Variants in ASIC2 observed in about 807,000 individuals in gnomAD.
The protein encoded by ASIC2 is acid-sensing ion channel 2.
Under a neutral mutation model 57.3 loss-of-function variants are expected in ASIC2, and 25 were observed. The observed-to-expected ratio is 0.44, with a 90% CI of 0.32 to 0.61. The LOEUF (loss-of-function observed/expected upper bound fraction) is 0.61, where lower values mean the gene tolerates loss of function less well. Among genes scored for constraint, ASIC2 ranks in the 20% least tolerant of loss-of-function variants. ASIC2 has a pLI of 0.06. For missense variants in ASIC2, 641 were observed against 738.1 expected (o/e 0.87, Z 1.52); for synonymous variants, 319 against 307.5 (o/e 1.04, Z -0.39).
At chr17:33,889,143 A>G (rs1914900131) in intron 1 of ASIC2, among the ~76,000 whole-genome samples, 1 of 152,142 alleles carries the variant, frequency 6.6e-6, no homozygotes, top group Non-Finnish European at 1.5e-5. Flanking sequence ...GGCACTGGAG[A>G]ATGAAATGCC....
chr17:33,439,968 T>C (rs1911768300), intron 1 of ASIC2, among the ~76,000 whole-genome samples: 1 of 152,212 alleles, frequency 6.6e-6, no homozygotes, highest in Non-Finnish European at 1.5e-5. Context: ...GACGACTGTA[T>C]TCGGGGAGGC....
chr17:33,867,067 G>T (rs1914256302), intron 1 of ASIC2, among the ~76,000 whole-genome samples: 1 of 152,198 alleles, frequency 6.6e-6, no homozygotes, highest in Non-Finnish European at 1.5e-5. Flanking sequence ...TCCAACCACA[G>T]TTGGAATCTG....
At chr17:33,173,741 C>T (rs1381236947) in intron 1 of ASIC2, among the ~76,000 whole-genome samples, 2 of 152,288 alleles carry the variant, frequency 1.3e-5, no homozygotes, top group East Asian at 3.9e-4. Context: ...TAAGTTTTCT[C>T]ATTGGTAAAA....
intron 1 of ASIC2, among the ~76,000 whole-genome samples, chr17:33,587,021 A>G (rs1904661659): frequency 6.6e-6 from 1 of 152,242 alleles, no homozygotes; most frequent in African/African-American, 2.4e-5. Context: ...TCAATGACTT[A>G]AACCAAAAGT....
intron 1 of ASIC2, among the ~76,000 whole-genome samples, chr17:33,315,391 A>G (rs1303999005): frequency 1.3e-5 from 2 of 152,252 alleles, no homozygotes; most frequent in African/African-American, 4.8e-5. Context: ...AGTAAGTAGA[A>G]AGCACATTTT....
chr17:33,473,652 G>A (rs747876613), intron 1 of ASIC2, among the ~76,000 whole-genome samples: 3 of 152,136 alleles, frequency 2.0e-5, no homozygotes, highest in Non-Finnish European at 2.9e-5. Context: ...TGAAACTCTG[G>A]TTCCTGTCTA....
chr17:33,307,854 G>A (rs1906248747), intron 1 of ASIC2, among the ~76,000 whole-genome samples: 1 of 152,192 alleles, frequency 6.6e-6, no homozygotes, highest in African/African-American at 2.4e-5. Flanking sequence ...CACAGAGCCT[G>A]ACATATAGTA....
intron 1 of ASIC2, among the ~76,000 whole-genome samples, chr17:33,400,055 A>G (rs1910227488): frequency 6.6e-6 from 1 of 152,220 alleles, no homozygotes; most frequent in African/African-American, 2.4e-5. Flanking sequence ...TCTGGACCAT[A>G]CATTATTAAT....
chr17:33,130,606 C>G (rs546113141), intron 1 of ASIC2, among the ~76,000 whole-genome samples: 1 of 152,306 alleles, frequency 6.6e-6, no homozygotes, highest in Non-Finnish European at 1.5e-5. Context: ...CCCCAACCCC[C>G]CAAGAGTCTG....
intron 1 of ASIC2, among the ~76,000 whole-genome samples, chr17:33,369,850 T>C (rs1908975316): frequency 6.6e-6 from 1 of 152,226 alleles, no homozygotes; most frequent in South Asian, 2.1e-4. Flanking sequence ...CGAGAGCATA[T>C]TCTTAGTATA....
chr17:33,044,803 G>A (rs769866390), intron 3 of ASIC2, among the ~76,000 whole-genome samples: 1 of 152,234 alleles, frequency 6.6e-6, no homozygotes, highest in Non-Finnish European at 1.5e-5. Flanking sequence ...AAATGCTATA[G>A]TGGGGTCATA....
chr17:33,880,436 T>C (rs1914670101), intron 1 of ASIC2, among the ~76,000 whole-genome samples: 2 of 152,136 alleles, frequency 1.3e-5, no homozygotes, highest in Non-Finnish European at 2.9e-5. Context: ...TCACCACTGA[T>C]CCCGCAGAAA....
intron 1 of ASIC2, among the ~76,000 whole-genome samples, chr17:33,322,980 G>A (rs1051471026): frequency 3.3e-5 from 5 of 152,218 alleles, no homozygotes; most frequent in East Asian, 1.9e-4. Flanking sequence ...AGGGACTGGA[G>A]TATTTGAGAC....
chr17:33,228,482 C>A (rs117125577), intron 1 of ASIC2, among the ~76,000 whole-genome samples: 74 of 152,364 alleles, frequency 4.9e-4, no homozygotes, highest in African/African-American at 8.4e-4. Context: ...GTCACATCCA[C>A]GTGCGCATGG....
chr17:33,634,514 CTTTTTTTTT>C (rs71144891), intron 1 of ASIC2, among the ~76,000 whole-genome samples: 5 of 118,504 alleles, frequency 4.2e-5, no homozygotes, highest in East Asian at 4.8e-4. Context: ...ACTTTTTTTT[CTTTTTTTTT>C]TTTTTTTTTT....
intron 1 of ASIC2, among the ~76,000 whole-genome samples, chr17:33,515,833 C>T (rs1009097948): frequency 4.0e-4 from 61 of 152,168 alleles, no homozygotes; most frequent in African/African-American, 1.3e-3. Flanking sequence ...CGGTGGCTCA[C>T]GCCTGTAATC....
chr17:33,457,618 C>T (rs1912495535), intron 1 of ASIC2, among the ~76,000 whole-genome samples: 1 of 152,182 alleles, frequency 6.6e-6, no homozygotes, highest in Non-Finnish European at 1.5e-5. Flanking sequence ...TATTAGTATA[C>T]ACTAATGATG....
chr17:33,416,593 G>A (rs996815454), intron 1 of ASIC2, among the ~76,000 whole-genome samples: 6 of 152,200 alleles, frequency 3.9e-5, no homozygotes, highest in Non-Finnish European at 8.8e-5. Flanking sequence ...CCCACTGGGC[G>A]CCCACAGTGG....
chr17:33,289,146 C>G (rs1164030256), intron 1 of ASIC2, among the ~76,000 whole-genome samples: 1 of 152,164 alleles, frequency 6.6e-6, no homozygotes, highest in Non-Finnish European at 1.5e-5. Flanking sequence ...TAGGAAGCCA[C>G]TAGGGGTCAC....
Sources: gnomAD v4.1 joint callset for allele counts (sites outside exome capture counted in the v4.1 genomes callset) on GRCh38, gnomAD v4.1.1 for gene constraint, MANE v1.5 for transcripts, NCBI Gene and HGNC (gene_info 2026-07-23, HGNC 2026-07-21) for gene names.